PEX14: variants seen among roughly 807,000 people sequenced by gnomAD.
The protein encoded by PEX14 is peroxisomal membrane protein PEX14.
PEX14 carries 15 observed loss-of-function variants against 49.5 expected under a neutral mutation model. The observed-to-expected ratio is 0.30, with a 90% confidence interval of 0.20 to 0.47. The LOEUF (loss-of-function observed/expected upper bound fraction) is 0.47. Among genes scored for constraint, PEX14 ranks in the 20% least tolerant of loss-of-function variants. The probability of loss-of-function intolerance (pLI) is 1.00; values close to 1 mark genes in which losing one functional copy is unlikely to be tolerated. For synonymous variants in PEX14, 210 were observed against 212.7 expected (o/e 0.99, Z 0.11); for missense variants, 398 against 494.8 (o/e 0.80, Z 1.86).
At chr1:10,540,750 G>C (rs1042123052) in intron 3 of PEX14, among the ~76,000 whole-genome samples, 7 of 152,092 alleles carry the variant, frequency 4.6e-5, no homozygotes, top group South Asian at 4.1e-4. Flanking sequence ...AGATAGCTTG[G>C]GGGGAGGGCA....
At chr1:10,627,242 G>A (rs375751853) in intron 7 of PEX14, 30 bp from the exon 8 acceptor site, 86 of 1,550,444 alleles carry the variant, frequency 5.5e-5, no homozygotes, top group African/African-American at 2.7e-4. Context: ...CAAGGCGCCC[G>A]CCCTGAGCCT....
chr1:10,611,048 G>A (rs1641265330), intron 4 of PEX14, among the ~76,000 whole-genome samples: 1 of 152,016 alleles, frequency 6.6e-6, no homozygotes, highest in Non-Finnish European at 1.5e-5. Context: ...GGAGTTTGAG[G>A]TCAGGAGTTT....
chr1:10,573,410 C>T (rs1381247728), intron 3 of PEX14, among the ~76,000 whole-genome samples: 2 of 152,006 alleles, frequency 1.3e-5, no homozygotes, highest in South Asian at 2.1e-4. Flanking sequence ...AGTAAGATCC[C>T]GTCTCTCTTA....
intron 2 of PEX14, among the ~76,000 whole-genome samples, chr1:10,520,228 A>G (rs181152017): frequency 1.1e-3 from 157 of 146,522 alleles, no homozygotes; most frequent in African/African-American, 3.7e-3. Context: ...CTGCGGTCAT[A>G]GGTCACTGCA....
chr1:10,501,406 T>C (rs2483676), intron 2 of PEX14, among the ~76,000 whole-genome samples: 134,254 of 152,146 alleles, frequency 0.88, 61,057 homozygotes, highest in Non-Finnish European at 0.99. Context: ...CCAGGGTTCA[T>C]GCCATTCTCC....
chr1:10,475,190 T>G (rs1444988106), intron 1 of PEX14, among the ~76,000 whole-genome samples, 188 bp downstream of exon 1: 1 of 146,722 alleles, frequency 6.8e-6, no homozygotes, highest in Non-Finnish European at 1.5e-5. Flanking sequence ...TGACCCCTCT[T>G]TGACCACATT....
In PEX14 at chr1:10,599,323, G is replaced by A. The variant is rs1445768017; in HGVS notation, c.255G>A (p.Gln85=). 1 of 1,614,076 alleles carries A rather than the reference G, an allele frequency of 6.2e-7. No individual in the cohort carries two copies. The highest frequency in any genetic ancestry group is 8.5e-7 in the Non-Finnish European group (1 of 1,180,034). The part of the protein sequence containing the change: ...DEPSSLGPAT[Q]VVPVQPPHLI... ...CTTCGTCCTTGGGCCCAGCCACACAGGTGGTTCCTGTCCAGCCCCCTCACC... is the reference window on the plus strand; with the variant it reads ...CTTCGTCCTTGGGCCCAGCCACACAAGTGGTTCCTGTCCAGCCCCCTCACC... Residue 85 remains glutamine, a synonymous_variant, in exon 4 of 9, where the codon CAG becomes CAA. Transcript: ENST00000356607.
chr1:10,605,352 A>G (rs1228061391), intron 4 of PEX14, among the ~76,000 whole-genome samples: 3 of 152,178 alleles, frequency 2.0e-5, no homozygotes, highest in African/African-American at 7.2e-5. Context: ...CGTAGAGGGA[A>G]GCCCTCCATT....
intron 3 of PEX14, among the ~76,000 whole-genome samples, chr1:10,580,602 T>C (rs781287079): frequency 2.0e-5 from 3 of 152,128 alleles, no homozygotes; most frequent in Non-Finnish European, 2.9e-5. Flanking sequence ...GTATAGTACA[T>C]ACAATTATAT....
intron 2 of PEX14, among the ~76,000 whole-genome samples, chr1:10,509,287 G>T (rs1186446459): frequency 6.6e-6 from 1 of 152,174 alleles, no homozygotes; most frequent in African/African-American, 2.4e-5. Flanking sequence ...GCTCTCTGTT[G>T]TCTGAAAAAT....
intron 3 of PEX14, among the ~76,000 whole-genome samples, chr1:10,595,780 G>C (rs917242421): frequency 6.6e-6 from 1 of 152,192 alleles, no homozygotes; most frequent in African/African-American, 2.4e-5. Context: ...GGAAGTGTCT[G>C]TGTCTAATTT....
chr1:10,597,272 A>G lies in PEX14; in HGVS notation c.170-1966A>G, dbSNP rs1314789797. ...AAAATTCCGTAGTGTACCAGTGACC[A>G]TCAGCCTGTGCTGACATCGCAGATG... On this transcript the variant is annotated intron_variant, in intron 3 of 8. Coordinates refer to ENST00000356607, the MANE Select transcript of PEX14 (RefSeq NM_004565.3). This position sits in a 1 kb window ranked among gnomAD's most constrained non-coding sequence, Gnocchi z 5.7. 6.6e-6 allele frequency among the ~76,000 whole-genome samples: 1 copy of G among 152,274 alleles called. No individual in the cohort carries two copies. Among genetic ancestry groups the G allele is most frequent in the African/African-American group, 2.4e-5 (1 of 41,482 alleles).
intron 7 of PEX14, among the ~76,000 whole-genome samples, chr1:10,626,060 G>A (rs1402013605): frequency 2.0e-5 from 3 of 152,138 alleles, no homozygotes; most frequent in Non-Finnish European, 4.4e-5. Context: ...ACTCCTACTG[G>A]AGCACTGTAA....
In PEX14 at chr1:10,601,654, TTGTCC is replaced by T. The variant is rs79716045; in HGVS notation, c.298+2292_298+2296del. 3.8e-3 allele frequency among the ~76,000 whole-genome samples: 580 copies of T among 152,340 alleles called. 3 individuals are homozygous for T. The highest frequency in any genetic ancestry group is 0.013 in the African/African-American group (528 of 41,576). ...GGTTGCAGAGCTTCAGTGGTGAGCCTTGTCCTGTATTTGGGCTACTGGGTTAGCAC... is the reference window on the plus strand; with the variant it reads ...GGTTGCAGAGCTTCAGTGGTGAGCCTTGTATTTGGGCTACTGGGTTAGCAC... On this transcript the variant is annotated intron_variant, in intron 4 of 8. Coordinates refer to ENST00000356607, the MANE Select transcript of PEX14 (RefSeq NM_004565.3).
chr1:10,593,972 C>T (rs912239121), intron 3 of PEX14, among the ~76,000 whole-genome samples: 7 of 152,144 alleles, frequency 4.6e-5, no homozygotes, highest in South Asian at 2.1e-4. Flanking sequence ...GATCAGGTGG[C>T]ACGGAATAAT....
chr1:10,589,388 A>T (rs1225235833), intron 3 of PEX14, among the ~76,000 whole-genome samples: 4 of 152,032 alleles, frequency 2.6e-5, no homozygotes, highest in Admixed American at 6.6e-5. Context: ...CCCCACCCCA[A>T]CCGGGTGTAG....
chr1:10,526,561 G>A (rs1638489968), intron 2 of PEX14, among the ~76,000 whole-genome samples: 1 of 151,902 alleles, frequency 6.6e-6, no homozygotes, highest in Non-Finnish European at 1.5e-5. Context: ...TAGTTTTTTT[G>A]TTTAGGCCAT....
chr1:10,605,132 A>C (rs181094629), intron 4 of PEX14, among the ~76,000 whole-genome samples: 1 of 152,120 alleles, frequency 6.6e-6, no homozygotes, highest in East Asian at 1.9e-4. Context: ...TAGTGGCCTG[A>C]GGCTCTGACT....
chr1:10,538,423 T>C (rs140697406), intron 3 of PEX14, among the ~76,000 whole-genome samples: 45 of 152,348 alleles, frequency 3.0e-4, no homozygotes, highest in African/African-American at 1.1e-3. Flanking sequence ...AAGAGAACCA[T>C]GTGAGTTTAT....
Sources: allele counts gnomAD v4.1 joint callset (sites outside exome capture counted in the v4.1 genomes callset), GRCh38; gene constraint gnomAD v4.1.1; non-coding constraint Gnocchi (gnomAD v3.1); transcripts MANE v1.5; gene names NCBI Gene and HGNC (gene_info 2026-07-23, HGNC 2026-07-21).